The following STK33 variants were observed in gnomAD, a reference collection of about 807,000 sequenced individuals.
The protein encoded by STK33 is serine/threonine-protein kinase 33.
In STK33, 52 loss-of-function variants were observed where a neutral mutation model predicts 58.0. The ratio of observed to expected loss-of-function variants is 0.90; its 90% CI spans 0.72 to 1.13. The LOEUF (loss-of-function observed/expected upper bound fraction) is 1.13. Ranked by LOEUF, STK33 falls within the 50% of genes most tolerant of loss-of-function variation. The pLI is 0.00. For synonymous variants in STK33, 215 were observed against 200.1 expected (o/e 1.07, Z -0.63); for missense variants, 630 against 604.2 (o/e 1.04, Z -0.45).
intron 1 of STK33, among the ~76,000 whole-genome samples, chr11:8,505,992 G>A (rs1320464156): frequency 6.6e-6 from 1 of 152,136 alleles, no homozygotes; most frequent in Non-Finnish European, 1.5e-5. Flanking sequence ...GATGATTTAT[G>A]AACATAAAGC....
At chr11:8,457,254 T>A in intron 9 of STK33, 87 bp downstream of exon 9, 1 of 1,218,900 alleles carries the variant, frequency 8.2e-7, no homozygotes, top group Non-Finnish European at 1.1e-6. Context: ...GTTATTTATA[T>A]GACTATGAAT....
chr11:8,392,414 G>GCCTC lies in STK33; in HGVS notation c.*95_*96insGAGG, dbSNP rs1232457726. ...GCTCTGTGGAGCTAAAAGGCTACAA[G>GCCTC]CTCAGCATAGGGCTGTCTTCTTCCC... On this transcript the variant is annotated 3_prime_UTR_variant, in exon 16 of 16. Transcript: ENST00000687296. The GCCTC allele has an allele frequency of 4.1e-5, 58 of 1,408,564 alleles. No homozygotes were observed. The highest frequency in any genetic ancestry group is 5.2e-5 in the Non-Finnish European group (53 of 1,016,304). The allele number at this position is 1,408,564 out of a possible 1,614,324, so 87.3% of individuals were successfully genotyped here.
At chr11:8,375,640 G>A in the STK33 span, among the ~76,000 whole-genome samples, 1 of 152,156 alleles carries the variant, frequency 6.6e-6, no homozygotes, top group African/African-American at 2.4e-5. Context: ...CTAGAAAGTG[G>A]AGGCAGATCA....
the STK33 span, among the ~76,000 whole-genome samples, chr11:8,374,139 C>T: frequency 6.6e-6 from 1 of 152,218 alleles, no homozygotes; most frequent in East Asian, 1.9e-4. Flanking sequence ...GCTGATGTCT[C>T]CAAGCTGCCA....
chr11:8,517,348 G>A (rs1952895387), intron 1 of STK33, among the ~76,000 whole-genome samples: 1 of 152,200 alleles, frequency 6.6e-6, no homozygotes, highest in Admixed American at 6.5e-5. Context: ...CATCACCAAA[G>A]ACCAAAGGTA....
chr11:8,555,313 A>T (rs2140769875), intron 1 of STK33, among the ~76,000 whole-genome samples: 1 of 152,246 alleles, frequency 6.6e-6, no homozygotes, highest in South Asian at 2.1e-4. Context: ...ATGTTTTGAG[A>T]TCTATTGCAC....
chr11:8,501,103 C>T (rs1951483333), intron 1 of STK33, among the ~76,000 whole-genome samples: 1 of 152,096 alleles, frequency 6.6e-6, no homozygotes, highest in South Asian at 2.1e-4. Flanking sequence ...TAGAAGAAAA[C>T]ATAGAGGTAA....
At chr11:8,449,829 A>C (rs1403984740) in intron 11 of STK33, among the ~76,000 whole-genome samples, 3 of 152,230 alleles carry the variant, frequency 2.0e-5, no homozygotes, top group Admixed American at 2.0e-4. Flanking sequence ...CTTTAGAGAA[A>C]TGCAAATCAT....
intron 1 of STK33, among the ~76,000 whole-genome samples, chr11:8,541,196 A>G (rs900467343): frequency 3.3e-5 from 5 of 152,178 alleles, no homozygotes. Context: ...AGAAATGTGT[A>G]TATTTCAATG....
At chr11:8,521,559 G>A (rs1421603362) in intron 1 of STK33, among the ~76,000 whole-genome samples, 2 of 152,148 alleles carry the variant, frequency 1.3e-5, no homozygotes, top group Non-Finnish European at 2.9e-5. Flanking sequence ...TAAGGATATA[G>A]GTGTGGGCAA....
At chr11:8,482,414 G>C (rs1274803341) in intron 1 of STK33, among the ~76,000 whole-genome samples, 3 of 152,132 alleles carry the variant, frequency 2.0e-5, no homozygotes, top group Non-Finnish European at 4.4e-5. Flanking sequence ...CCATCTAATA[G>C]TTTATGTATA....
intron 1 of STK33, among the ~76,000 whole-genome samples, chr11:8,504,442 G>T (rs1591522389): frequency 6.6e-6 from 1 of 152,114 alleles, no homozygotes; most frequent in Non-Finnish European, 1.5e-5. Flanking sequence ...AGAGCCAATT[G>T]TTAAATTTTC....
At chr11:8,479,606 G>A (rs1949618634) in intron 2 of STK33, among the ~76,000 whole-genome samples, 1 of 152,048 alleles carries the variant, frequency 6.6e-6, no homozygotes, top group South Asian at 2.1e-4. Flanking sequence ...ACTTTGGGAG[G>A]CGGAGGCAGG....
At chr11:8,522,338 G>T (rs1389216817) in intron 1 of STK33, among the ~76,000 whole-genome samples, 1 of 152,100 alleles carries the variant, frequency 6.6e-6, no homozygotes, top group African/African-American at 2.4e-5. Context: ...CATGGGTGAA[G>T]CTAGAAACCA....
chr11:8,570,968 TAAAC>T (rs1957769913), intron 1 of STK33, among the ~76,000 whole-genome samples: 1 of 152,192 alleles, frequency 6.6e-6, no homozygotes, highest in Non-Finnish European at 1.5e-5. Flanking sequence ...CCTTCTGCCA[TAAAC>T]TGCTAGAAAA....
intron 8 of STK33, among the ~76,000 whole-genome samples, chr11:8,457,924 A>G (rs1307338352): frequency 1.3e-5 from 2 of 152,216 alleles, no homozygotes; most frequent in African/African-American, 4.8e-5. Flanking sequence ...TCTCAGTGTT[A>G]ATAACATGGA....
At chr11:8,433,165 G>A (rs1416935160) in intron 14 of STK33, among the ~76,000 whole-genome samples, 1 of 152,136 alleles carries the variant, frequency 6.6e-6, no homozygotes, top group Non-Finnish European at 1.5e-5. Flanking sequence ...AGAAATAACT[G>A]TTGCACAGAA....
rs757308552 is a variant in STK33 at position 8,464,823 on chromosome 11, CTGGAGAAAAAAAA to C, written c.340-14_340-2del. On this transcript the variant is annotated splice_acceptor_variant and splice_polypyrimidine_tract_variant and intron_variant, in intron 6 of 15. Transcript: ENST00000687296. LOFTEE classifies it high-confidence loss of function. ...ATATTCTTCCAAAGGTATAGATTTCCTGGAGAAAAAAAAAAAAAGAGTTGTCTCTCTATGCCAT... is the reference window on the plus strand; with the variant it reads ...ATATTCTTCCAAAGGTATAGATTTCCAAAAAGAGTTGTCTCTCTATGCCAT... 2.6e-6 allele frequency: 4 copies of C among 1,549,642 alleles called. No individual in the cohort carries two copies. Among genetic ancestry groups the C allele is most frequent in the Non-Finnish European group, 3.5e-6 (4 of 1,137,450 alleles).
chr11:8,440,736 C>G lies in STK33; in HGVS notation c.889G>C (p.Ala297Pro). 1 of 1,568,516 alleles carries G rather than the reference C, an allele frequency of 6.4e-7. No individual in the cohort carries two copies. The highest frequency in any genetic ancestry group is 8.7e-7 in the Non-Finnish European group (1 of 1,154,654). Residue 297 changes from alanine (A) to proline (P), a missense_variant, in exon 12 of 16, where the codon GCC (alanine) becomes CCC (proline). Ala to Pro is a conservative substitution (Grantham distance 27). Transcript: ENST00000687296. ...PIYMAPEVIS[A>P]HDYSQQCDIW... ...TCACACTGCTGGCTATAGTCGTGGG[C>G]ACTGATAACTTCAGGGGCTGCCAAA...
Sources: allele counts gnomAD v4.1 joint callset (sites outside exome capture counted in the v4.1 genomes callset), GRCh38; gene constraint gnomAD v4.1.1; transcripts MANE v1.5; gene names NCBI Gene and HGNC (gene_info 2026-07-23, HGNC 2026-07-21).